Variants in BCAS1 observed in about 807,000 individuals in gnomAD.
BCAS1 encodes the protein breast carcinoma-amplified sequence 1.
Under a neutral mutation model 65.4 loss-of-function variants are expected in BCAS1, and 46 were observed. That is an observed-to-expected ratio of 0.70 (90% CI 0.55 to 0.90). The LOEUF (loss-of-function observed/expected upper bound fraction) is 0.90. Ranked by LOEUF, BCAS1 falls within the 40% of genes least tolerant of loss-of-function variation. The pLI, the probability that BCAS1 is intolerant of heterozygous loss-of-function variation, is 0.00. For missense variants in BCAS1, 793 were observed against 771.2 expected, an observed-to-expected ratio of 1.03 and a Z score of -0.33; for synonymous variants, 298 against 293.5, an observed-to-expected ratio of 1.02 and a Z score of -0.16.
chr20:54,032,418 A>G (rs1274791345), intron 3 of BCAS1, among the ~76,000 whole-genome samples: 1 of 151,376 alleles, frequency 6.6e-6, no homozygotes, highest in East Asian at 1.9e-4. Context: ...CTACATAACA[A>G]GTCTGCAAAA....
chr20:53,991,975 T>C (rs941994729), intron 7 of BCAS1, among the ~76,000 whole-genome samples: 5 of 152,198 alleles, frequency 3.3e-5, no homozygotes, highest in Non-Finnish European at 5.9e-5. Flanking sequence ...ATCTTTAACA[T>C]TTTTCTACCA....
intron 10 of BCAS1, 86 bp downstream of exon 10, chr20:53,966,820 C>G: frequency 7.7e-7 from 1 of 1,290,452 alleles, no homozygotes; most frequent in Non-Finnish European, 1.1e-6. Context: ...ACAATTATGT[C>G]TCCTACTACC....
chr20:53,975,388 C>G lies in BCAS1; in HGVS notation c.1317+1G>C, dbSNP rs184811665. 15 of 1,611,622 alleles carry G rather than the reference C, an allele frequency of 9.3e-6. No homozygotes were observed. In the Admixed American group the frequency reaches 2.2e-4, roughly 23 times the overall value. Reference sequence around the variant, plus strand: ...ATTCTGCCGTGGTGTGTGTAACTTACATTCTCCTCCGCACCTGTGGGGACT... The same window carrying G: ...ATTCTGCCGTGGTGTGTGTAACTTAGATTCTCCTCCGCACCTGTGGGGACT... On this transcript the variant is annotated splice_donor_variant, in intron 9 of 12. Transcript: ENST00000688948. LOFTEE classifies it high-confidence loss of function.
At chr20:53,998,763 G>A (rs892328378) in intron 4 of BCAS1, among the ~76,000 whole-genome samples, 8 of 152,032 alleles carry the variant, frequency 5.3e-5, no homozygotes, top group East Asian at 3.8e-4. Context: ...GAACAAGGTC[G>A]CTTAATCTTA....
In BCAS1 at chr20:53,963,620, T is replaced by C. The variant is rs913737916; in HGVS notation, c.1485+3286A>G. 3.3e-5 allele frequency among the ~76,000 whole-genome samples: 5 copies of C among 152,242 alleles called. No homozygotes were observed. In the East Asian group the frequency reaches 9.6e-4, roughly 29 times the overall value. ...TTATTTAAACAAATCGATATTTTGC[T>C]AACAATATCCAAAATTTGTCTGAAA... On this transcript the variant is annotated intron_variant, in intron 10 of 12. Transcript: ENST00000688948.
At chr20:54,002,052 C>T (rs67500278) in intron 4 of BCAS1, among the ~76,000 whole-genome samples, 35,493 of 148,766 alleles carry the variant, frequency 0.24, 4,458 homozygotes, top group African/African-American at 0.33. Context: ...TTTTTTTTTT[C>T]CCCCTTCAGT....
chr20:54,069,696 C>A (rs2092491394), intron 1 of BCAS1, among the ~76,000 whole-genome samples: 1 of 152,176 alleles, frequency 6.6e-6, no homozygotes, highest in South Asian at 2.1e-4. Flanking sequence ...GTCCTCTCAG[C>A]CCTTTGATCT....
chr20:53,962,757 C>T (rs571964725), intron 10 of BCAS1, among the ~76,000 whole-genome samples: 1 of 152,280 alleles, frequency 6.6e-6, no homozygotes, highest in South Asian at 2.1e-4. Flanking sequence ...CTGTGAAGTG[C>T]TACATCTCTA....
chr20:53,945,055 A>C (rs1240815371), intron 12 of BCAS1, 59 bp from the exon 13 acceptor site: 22 of 1,420,242 alleles, frequency 1.5e-5, no homozygotes, highest in Non-Finnish European at 2.2e-5. Flanking sequence ...CAACAGCAAC[A>C]ATGGCCATTT....
At chr20:54,029,054 T>C in intron 3 of BCAS1, 82 bp from the exon 4 acceptor site, 1 of 1,488,284 alleles carries the variant, frequency 6.7e-7, no homozygotes, top group African/African-American at 1.4e-5. Flanking sequence ...ACATTTTTTA[T>C]ACAAAAGCCA....
intron 3 of BCAS1, among the ~76,000 whole-genome samples, chr20:54,040,579 G>A (rs777929551): frequency 6.6e-6 from 1 of 151,266 alleles, no homozygotes; most frequent in Admixed American, 6.6e-5. Context: ...TAATGGCCAA[G>A]GAACTCATAA....
In BCAS1 at chr20:54,014,323, T is replaced by C. The variant is rs143483533; in HGVS notation, c.723+14069A>G. ...ATATATATTTTCTTTTTTGTTGGCTTCAAAGAGCAAACAGATAGGAACACT... is the reference window on the plus strand; with the variant it reads ...ATATATATTTTCTTTTTTGTTGGCTCCAAAGAGCAAACAGATAGGAACACT... On this transcript the variant is annotated intron_variant, in intron 4 of 12. Coordinates refer to ENST00000688948, the MANE Select transcript of BCAS1 (RefSeq NM_001366298.2). Among the ~76,000 whole-genome samples, 324 of 152,322 alleles carry C rather than the reference T, an allele frequency of 2.1e-3. 2 individuals carry two copies. The highest frequency in any genetic ancestry group is 7.6e-3 in the African/African-American group (315 of 41,568).
At chr20:54,012,770 A>G (rs892055928) in intron 4 of BCAS1, among the ~76,000 whole-genome samples, 1 of 152,234 alleles carries the variant, frequency 6.6e-6, no homozygotes. Flanking sequence ...TGAAGCATGC[A>G]CTGTTTGTAA....
intron 8 of BCAS1, among the ~76,000 whole-genome samples, chr20:53,984,295 T>A (rs976441451): frequency 2.0e-5 from 3 of 152,164 alleles, no homozygotes; most frequent in African/African-American, 7.2e-5. Context: ...TGGTGGGTGA[T>A]GAAGAAAAAG....
intron 4 of BCAS1, among the ~76,000 whole-genome samples, chr20:54,007,699 C>T (rs1328998909): frequency 1.3e-5 from 2 of 152,088 alleles, no homozygotes; most frequent in African/African-American, 4.8e-5. Context: ...TCAGCTTGAA[C>T]TTAAGCCCTT....
chr20:54,016,876 G>C lies in BCAS1; in HGVS notation c.723+11516C>G, dbSNP rs554972373. On this transcript the variant is annotated intron_variant, in intron 4 of 12. Transcript: ENST00000688948. ...TGCTTATACTAATTGAACCAAGCCG[G>C]GTTGGACCAATTATCCAGTGTGATA... Among the ~76,000 whole-genome samples the C allele has an allele frequency of 2.6e-5, 4 of 152,224 alleles. No homozygotes were observed. In the South Asian group the frequency reaches 8.3e-4, roughly 32 times the overall value.
chr20:53,969,057 T>C (rs765094312), intron 9 of BCAS1, among the ~76,000 whole-genome samples: 13 of 152,214 alleles, frequency 8.5e-5, no homozygotes, highest in Non-Finnish European at 1.6e-4. Flanking sequence ...GGCTGAAATA[T>C]AGGCAATCTA....
chr20:53,944,781 A>G lies in BCAS1; in HGVS notation c.*141T>C. ...TAAATAATACACCTCAATATACAAC[A>G]GCTCGGGCTTAATTTCTAGGCAGAA... On this transcript the variant is annotated 3_prime_UTR_variant, in exon 13 of 13. Coordinates refer to ENST00000688948, the MANE Select transcript of BCAS1 (RefSeq NM_001366298.2). 1.2e-6 allele frequency: 1 copy of G among 815,444 alleles called. No homozygotes were observed. Among genetic ancestry groups the G allele is most frequent in the African/African-American group, 1.7e-5 (1 of 59,826 alleles). The allele number at this position is 815,444 out of a possible 1,614,324, so 50.5% of individuals were successfully genotyped here. A position where few individuals can be genotyped will look rare whatever the true frequency, so the allele number is the denominator to read the frequency against.
intron 8 of BCAS1, among the ~76,000 whole-genome samples, chr20:53,980,783 A>T (rs1310762001): frequency 6.6e-6 from 1 of 152,242 alleles, no homozygotes; most frequent in East Asian, 1.9e-4. Context: ...ATGCTCATAC[A>T]TAAAGACAAA....
Sources: allele counts gnomAD v4.1 joint callset (sites outside exome capture counted in the v4.1 genomes callset), GRCh38; gene constraint gnomAD v4.1.1; transcripts MANE v1.5; gene names NCBI Gene and HGNC (gene_info 2026-07-23, HGNC 2026-07-21).